The following RYR2 variants were observed in gnomAD, a reference collection of about 807,000 sequenced individuals.
RYR2 encodes cardiac muscle ryanodine receptor-calcium release channel.
In RYR2, 227 loss-of-function variants were observed where a neutral mutation model predicts 601.1. The observed-to-expected ratio is 0.38, with a 90% CI of 0.34 to 0.42. RYR2 has a LOEUF of 0.42. Ranked by LOEUF, RYR2 falls within the 10% of genes least tolerant of loss-of-function variation. The pLI is 1.00. For missense variants in RYR2, 4,646 were observed against 6,156.5 expected (o/e 0.75, Z 8.21); for synonymous variants, 2,223 against 2,175.1 (o/e 1.02, Z -0.61).
At chr1:237,115,324 A>T (rs924965323) in intron 1 of RYR2, among the ~76,000 whole-genome samples, 5 of 152,038 alleles carry the variant, frequency 3.3e-5, no homozygotes, top group Non-Finnish European at 5.9e-5. Context: ...TACAAGAAGC[A>T]CGGTCTTTGA....
chr1:237,669,640 C>A (rs530127518), intron 58 of RYR2, among the ~76,000 whole-genome samples: 7 of 152,194 alleles, frequency 4.6e-5, no homozygotes, highest in African/African-American at 1.7e-4. Flanking sequence ...ACGCTCCTCA[C>A]ATCCCAGACG....
chr1:237,266,695 A>C (rs1350305175), intron 1 of RYR2, among the ~76,000 whole-genome samples: 2 of 152,236 alleles, frequency 1.3e-5, no homozygotes, highest in Admixed American at 6.5e-5. Context: ...GCAAACTGGC[A>C]AAAGCTTTGA....
chr1:237,511,834 GAAAAA>G (rs71561879), intron 24 of RYR2, 43 bp downstream of exon 24: 288 of 188,730 alleles, frequency 1.5e-3, no homozygotes, highest in Non-Finnish European at 2.1e-3. Flanking sequence ...TGCCTTCCCT[GAAAAA>G]AAAAAAAAAA....
At chr1:237,769,147 GA>G (rs199946164) in intron 84 of RYR2, among the ~76,000 whole-genome samples, 10 of 149,746 alleles carry the variant, frequency 6.7e-5, no homozygotes, top group Admixed American at 3.3e-4. Context: ...TTTGTTTTTT[GA>G]AAAAAAAATT....
chr1:237,360,371 A>G (rs4478798), intron 4 of RYR2, among the ~76,000 whole-genome samples: 53,752 of 152,034 alleles, frequency 0.35, 9,802 homozygotes, highest in East Asian at 0.43. Flanking sequence ...AGAAAGCCCT[A>G]GATACCTCTT....
chr1:237,227,227 G>A (rs911604428), intron 1 of RYR2, among the ~76,000 whole-genome samples: 13 of 152,082 alleles, frequency 8.5e-5, no homozygotes, highest in Admixed American at 2.6e-4. Context: ...TGCTAAGAGA[G>A]TAGGTTTTAT....
Position 237,792,145 on chromosome 1 carries a change from C to T in RYR2, c.13604C>T (p.Thr4535Met), listed in dbSNP as rs756839134. 25 of 1,608,168 alleles carry T rather than the reference C, an allele frequency of 1.6e-5. 1 individual carries two copies. In the Admixed American group the frequency reaches 2.5e-4, roughly 16 times the overall value. The change falls in exon 94 of 105, where the codon ACG becomes ATG. Residue 4535 changes from threonine to methionine, a missense_variant. Physicochemically the swap from Thr to Met is moderately conservative, Grantham distance 81 (BLOSUM62 -1). Transcript: ENST00000366574. Reference protein sequence around the residue: ...SSVVEGKELPTRSSSENAKVT... With the variant: ...SSVVEGKELPMRSSSENAKVT... ...GTGGTTGAAGGAAAGGAGCTCCCCACGAGAAGTTCAAGTGAAAATGCCAAA... is the reference window on the plus strand; with the variant it reads ...GTGGTTGAAGGAAAGGAGCTCCCCATGAGAAGTTCAAGTGAAAATGCCAAA...
At chr1:237,795,873 T>TATAC (rs140571706) in intron 96 of RYR2, among the ~76,000 whole-genome samples, 10 of 140,890 alleles carry the variant, frequency 7.1e-5, no homozygotes, top group East Asian at 4.1e-4. Context: ...TATATATATA[T>TATAC]ACACATATAT....
chr1:237,515,826 T>TTCCTCCCTCTTCTCC (rs1187988958), intron 24 of RYR2, among the ~76,000 whole-genome samples: 1 of 11,626 alleles, frequency 8.6e-5, no homozygotes, highest in Non-Finnish European at 1.7e-4. Flanking sequence ...CCCTCTTCTC[T>TTCCTCCCTCTTCTCC]TCCTCCCTCT....
intron 72 of RYR2, among the ~76,000 whole-genome samples, chr1:237,717,612 C>G (rs2149101884): frequency 6.6e-6 from 1 of 152,144 alleles, no homozygotes; most frequent in African/African-American, 2.4e-5. Flanking sequence ...AAGACACAAA[C>G]CAATCTCTGG....
chr1:237,426,264 C>A (rs923872203), intron 12 of RYR2, among the ~76,000 whole-genome samples: 3 of 152,054 alleles, frequency 2.0e-5, no homozygotes, highest in Non-Finnish European at 4.4e-5. Context: ...CAGGGTAGGT[C>A]TTTATTCTCC....
intron 29 of RYR2, among the ~76,000 whole-genome samples, chr1:237,588,508 G>A (rs1674782192): frequency 6.6e-6 from 1 of 152,048 alleles, no homozygotes. Flanking sequence ...TTAGTGTGCT[G>A]CCTACTTGAA....
chr1:237,587,346 T>G (rs1674636026), intron 29 of RYR2, among the ~76,000 whole-genome samples: 1 of 152,136 alleles, frequency 6.6e-6, no homozygotes, highest in Admixed American at 6.6e-5. Flanking sequence ...GAAAGAAATT[T>G]TTGTCCCATT....
intron 54 of RYR2, among the ~76,000 whole-genome samples, chr1:237,659,397 A>C (rs1683558327): frequency 6.6e-6 from 1 of 152,224 alleles, no homozygotes; most frequent in African/African-American, 2.4e-5. Flanking sequence ...GCAGACAAGA[A>C]ATTATATAGG....
Position 237,106,991 on chromosome 1 carries a change from G to A in RYR2, c.48+64422G>A, listed in dbSNP as rs1395007144. Among the ~76,000 whole-genome samples the A allele has an allele frequency of 6.6e-6, 1 of 152,190 alleles. No homozygotes were observed. Among genetic ancestry groups the A allele is most frequent in the Non-Finnish European group, 1.5e-5 (1 of 68,028 alleles). Reference sequence around the variant, plus strand: ...TTTAACATATGATTTTGGGGGGACTGAGGGACATAAACATTTAGTCTGTAA... The same window carrying A: ...TTTAACATATGATTTTGGGGGGACTAAGGGACATAAACATTTAGTCTGTAA... On this transcript the variant is annotated intron_variant, in intron 1 of 104. Transcript: ENST00000366574. This position sits in a 1 kb window ranked among gnomAD's most constrained non-coding sequence, Gnocchi z 4.4.
chr1:237,273,939 ATATT>A (rs960169879), intron 2 of RYR2, among the ~76,000 whole-genome samples: 8 of 145,494 alleles, frequency 5.5e-5, no homozygotes, highest in African/African-American at 2.0e-4. Flanking sequence ...TATATATTAT[ATATT>A]TATATTATAT....
chr1:237,248,340 T>A (rs1687116774), intron 1 of RYR2, among the ~76,000 whole-genome samples: 1 of 131,550 alleles, frequency 7.6e-6, no homozygotes. Context: ...ATCCATTGGT[T>A]TCAAAGGAGA....
intron 94 of RYR2, among the ~76,000 whole-genome samples, chr1:237,792,669 GC>G (rs1460282424): frequency 2.0e-5 from 3 of 152,114 alleles, no homozygotes; most frequent in Non-Finnish European, 1.5e-5. Context: ...TGACTAGTCT[GC>G]CCTGGGAAGG....
chr1:237,530,065 A>C (rs1474436442), intron 24 of RYR2, among the ~76,000 whole-genome samples: 2 of 152,092 alleles, frequency 1.3e-5, no homozygotes, highest in Admixed American at 6.6e-5. Flanking sequence ...TAATCCCAGC[A>C]CTTTGGGAGG....
Sources: allele counts gnomAD v4.1 joint callset (sites outside exome capture counted in the v4.1 genomes callset), GRCh38; gene constraint gnomAD v4.1.1; non-coding constraint Gnocchi (gnomAD v3.1); transcripts MANE v1.5; gene names NCBI Gene and HGNC (gene_info 2026-07-23, HGNC 2026-07-21).